The following FER1L6 variants were observed in gnomAD, a reference collection of about 807,000 sequenced individuals.
The protein encoded by FER1L6 is fer-1-like protein 6.
A neutral mutation model predicts 219.2 loss-of-function variants in FER1L6; 177 were observed. The ratio of observed to expected loss-of-function variants is 0.81; its 90% confidence interval spans 0.71 to 0.91. FER1L6 has a LOEUF of 0.91. FER1L6 is among the 40% of genes least tolerant of loss of function. The pLI is 0.00. For synonymous variants in FER1L6, 768 were observed against 824.3 expected (o/e 0.93, Z 1.17); for missense variants, 2,153 against 2,259.9 (o/e 0.95, Z 0.96).
intron 1 of FER1L6, among the ~76,000 whole-genome samples, chr8:123,920,296 G>A (rs1813322479): frequency 6.6e-6 from 1 of 152,226 alleles, no homozygotes. Flanking sequence ...AAGTTCCTGA[G>A]AGGCTGGTGG....
chr8:124,043,659 G>A (rs577852894), intron 20 of FER1L6, among the ~76,000 whole-genome samples: 1 of 152,308 alleles, frequency 6.6e-6, no homozygotes, highest in Admixed American at 6.5e-5. Context: ...TTCGACTGAG[G>A]CAGTGCAGCT....
At chr8:124,000,122 G>T (rs1031001986) in intron 12 of FER1L6, among the ~76,000 whole-genome samples, 3 of 152,316 alleles carry the variant, frequency 2.0e-5, no homozygotes, top group Non-Finnish European at 4.4e-5. Context: ...GCTGAGTTCT[G>T]CCTGGTGTTG....
chr8:123,882,171 A>G (rs1308280367), intron 1 of FER1L6, among the ~76,000 whole-genome samples: 2 of 149,794 alleles, frequency 1.3e-5, no homozygotes, highest in Non-Finnish European at 3.0e-5. Context: ...ACTCCGGCCC[A>G]CAAAACCACA....
chr8:124,094,082 A>C, intron 34 of FER1L6, among the ~76,000 whole-genome samples: 1 of 152,130 alleles, frequency 6.6e-6, no homozygotes, highest in East Asian at 1.9e-4. Context: ...GGCAGATGAG[A>C]GCACATTTCC....
intron 34 of FER1L6, 77 bp from the exon 35 acceptor site, chr8:124,094,819 T>A: frequency 6.6e-7 from 1 of 1,505,288 alleles, no homozygotes; most frequent in South Asian, 1.1e-5. Context: ...TGTAAGTGTT[T>A]AAAAATGCAT....
chr8:124,105,398 G>A (rs1822725041), intron 39 of FER1L6, among the ~76,000 whole-genome samples: 1 of 152,176 alleles, frequency 6.6e-6, no homozygotes, highest in Non-Finnish European at 1.5e-5. Flanking sequence ...CATTCTCAAA[G>A]GAAAGCCATT....
intron 34 of FER1L6, among the ~76,000 whole-genome samples, chr8:124,093,429 T>C (rs886997193): frequency 1.3e-5 from 2 of 151,914 alleles, no homozygotes; most frequent in South Asian, 2.1e-4. Flanking sequence ...ATACATAGGA[T>C]GGTTTGACAC....
chr8:124,037,662 G>A (rs1230236875), intron 19 of FER1L6, among the ~76,000 whole-genome samples: 1 of 152,194 alleles, frequency 6.6e-6, no homozygotes, highest in Non-Finnish European at 1.5e-5. Context: ...TATGGTTGCT[G>A]TGTTCTCAGG....
intron 1 of FER1L6, among the ~76,000 whole-genome samples, chr8:123,946,756 T>A (rs997422092): frequency 6.6e-6 from 1 of 151,954 alleles, no homozygotes; most frequent in Non-Finnish European, 1.5e-5. Context: ...TGCAGACACC[T>A]GGGCTTAATT....
chr8:123,890,251 T>C (rs543784873), intron 1 of FER1L6, among the ~76,000 whole-genome samples: 2 of 152,172 alleles, frequency 1.3e-5, no homozygotes, highest in African/African-American at 4.8e-5. Flanking sequence ...TGTATAGTGG[T>C]ATTGGTGGAC....
In FER1L6 at chr8:123,960,489, G is replaced by T. The variant is rs113458523; in HGVS notation, c.77-2789G>T. Among the ~76,000 whole-genome samples, 416 of 152,248 alleles carry T rather than the reference G, an allele frequency of 2.7e-3. 2 individuals carry two copies. The highest frequency in any genetic ancestry group is 8.7e-3 in the African/African-American group (361 of 41,526). On this transcript the variant is annotated intron_variant, in intron 2 of 40. Coordinates refer to ENST00000522917, the MANE Select transcript of FER1L6 (RefSeq NM_001039112.2). ...CTAAATGCGTGTGTACTGTTTCATA[G>T]GGCTTCCCAGGAAACCTATCCTTCC...
intron 1 of FER1L6, among the ~76,000 whole-genome samples, chr8:123,919,148 T>C (rs981323727): frequency 6.6e-6 from 1 of 152,082 alleles, no homozygotes; most frequent in African/African-American, 2.4e-5. Context: ...GGCCCCCAAG[T>C]CTCAGCAGTG....
At chr8:123,937,405 T>C (rs1286904325) in intron 1 of FER1L6, among the ~76,000 whole-genome samples, 1 of 152,236 alleles carries the variant, frequency 6.6e-6, no homozygotes, top group Non-Finnish European at 1.5e-5. Flanking sequence ...GGTTGGCTTG[T>C]GGACCAATTA....
At chr8:123,885,963 CTG>C (rs1456349506) in intron 1 of FER1L6, among the ~76,000 whole-genome samples, 1 of 152,182 alleles carries the variant, frequency 6.6e-6, no homozygotes, top group African/African-American at 2.4e-5. Flanking sequence ...TTCTGGGACT[CTG>C]TGCATTTTGT....
chr8:123,866,313 T>C lies in FER1L6; in HGVS notation c.-8+14128T>C, dbSNP rs190312654. ...TATAGTATTCCATCATGTGTATATATATTTTATATATATATACACTACGTA... is the reference window on the plus strand; with the variant it reads ...TATAGTATTCCATCATGTGTATATACATTTTATATATATATACACTACGTA... On this transcript the variant is annotated intron_variant, in intron 1 of 40. Transcript: ENST00000522917. 1.2e-3 allele frequency among the ~76,000 whole-genome samples: 186 copies of C among 151,754 alleles called. 1 individual carries two copies. Among genetic ancestry groups the C allele is most frequent in the African/African-American group, 4.2e-3 (175 of 41,376 alleles).
At chr8:123,878,009 A>C (rs772688932) in intron 1 of FER1L6, among the ~76,000 whole-genome samples, 18 of 152,208 alleles carry the variant, frequency 1.2e-4, no homozygotes, top group Non-Finnish European at 1.6e-4. Context: ...TGATTGCTTT[A>C]ACGTTCTATT....
intron 30 of FER1L6, 129 bp downstream of exon 30, chr8:124,070,727 CT>C (rs1821034576): frequency 4.0e-6 from 3 of 758,408 alleles, no homozygotes; most frequent in Admixed American, 3.1e-5. Context: ...ACTCAAGTCC[CT>C]CTCTAGAACT....
Position 123,962,162 on chromosome 8 carries a change from T to C in FER1L6, c.77-1116T>C, listed in dbSNP as rs142980577. On this transcript the variant is annotated intron_variant, in intron 2 of 40. Transcript: ENST00000522917. The stretch of plus-strand genomic sequence containing the variant: ...CCTCAGCCTTCCAAAGTGCTGGGAT[T>C]ACAGGCATGAACCACTGTGCCCAGC... Among the ~76,000 whole-genome samples the C allele has an allele frequency of 3.0e-3, 453 of 152,316 alleles. 2 individuals carry two copies. The highest frequency in any genetic ancestry group is 0.01 in the African/African-American group (430 of 41,554).
intron 1 of FER1L6, among the ~76,000 whole-genome samples, chr8:123,897,657 T>A (rs1474740987): frequency 6.6e-6 from 1 of 152,214 alleles, no homozygotes; most frequent in East Asian, 1.9e-4. Flanking sequence ...TGTCCAGGTG[T>A]GCTGTTGATA....
Sources: allele counts gnomAD v4.1 joint callset (sites outside exome capture counted in the v4.1 genomes callset), GRCh38; gene constraint gnomAD v4.1.1; transcripts MANE v1.5; gene names NCBI Gene and HGNC (gene_info 2026-07-23, HGNC 2026-07-21).